Variants in KLHL15 observed in about 807,000 individuals in gnomAD.
The protein encoded by KLHL15 is kelch-like protein 15.
In KLHL15, 1 loss-of-function variant was observed where a neutral mutation model predicts 29.3. The ratio of observed to expected loss-of-function variants is 0.03; its 90% CI spans 0.01 to 0.16. KLHL15 has a LOEUF of 0.16. KLHL15 is among the 10% of genes least tolerant of loss of function. The probability of loss-of-function intolerance (pLI) is 1.00; values close to 1 mark genes in which losing one functional copy is unlikely to be tolerated. For missense variants in KLHL15, 215 were observed against 478.5 expected, an observed-to-expected ratio of 0.45 and a Z score of 5.14; for synonymous variants, 212 against 184.5, an observed-to-expected ratio of 1.15 and a Z score of -1.21.
intron 2 of KLHL15, among the ~76,000 whole-genome samples, chrX:24,022,723 T>A (rs1302381694): frequency 1.0e-5 from 1 of 98,446 alleles, no homozygotes; most frequent in Admixed American, 1.1e-4. Flanking sequence ...TGTTTCGCGG[T>A]TTTTTTTTTT....
chrX:24,013,696 CTAAT>C (rs1212912344), intron 2 of KLHL15, among the ~76,000 whole-genome samples: 4 of 110,705 alleles, frequency 3.6e-5, no homozygotes, highest in Non-Finnish European at 7.5e-5. Context: ...CAACATCACA[CTAAT>C]TATCAGTTTT....
intron 2 of KLHL15, among the ~76,000 whole-genome samples, chrX:24,018,964 C>CCGTA (rs72236821): frequency 1.8e-5 from 2 of 110,416 alleles, no homozygotes; most frequent in African/African-American, 6.6e-5. Context: ...GATTGCGCCA[C>CCGTA]CTCCAGCCAG....
intron 3 of KLHL15, among the ~76,000 whole-genome samples, chrX:24,002,123 A>G (rs1929338764): frequency 9.4e-6 from 1 of 106,701 alleles, no homozygotes; most frequent in Non-Finnish European, 1.9e-5. Context: ...ACAGAGCGAG[A>G]CTCTGTCTCA....
intron 3 of KLHL15, among the ~76,000 whole-genome samples, chrX:23,995,393 C>T (rs771821911): frequency 2.9e-3 from 227 of 77,590 alleles, no homozygotes; most frequent in Non-Finnish European, 4.5e-3. Context: ...GGCAACAGAG[C>T]GAGACTCTGT....
At chrX:24,011,176 AAAAAAAGAAAAAAG>A (rs1476286446) in intron 2 of KLHL15, among the ~76,000 whole-genome samples, 2 of 109,254 alleles carry the variant, frequency 1.8e-5, no homozygotes, top group South Asian at 7.6e-4. Flanking sequence ...TCAAAAAAAA[AAAAAAAGAAAAAAG>A]AAAAAAGAAA....
At position 23,988,328 on chromosome X, in the gene KLHL15, T is replaced by C; in HGVS notation, c.1408A>G (p.Asn470Asp). The C allele has an allele frequency of 8.3e-7, 1 of 1,211,544 alleles. No individual in the cohort carries two copies. Among genetic ancestry groups the C allele is most frequent in the South Asian group, 1.8e-5 (1 of 56,947 alleles). ...RTQVVTNCWE[N>D]KSKMNYARCF... ...CTCGCGTAATTCATCTTGCTCTTATTCTCCCAACAGTTGGTAACCACTTGA... is the reference window on the plus strand; with the variant it reads ...CTCGCGTAATTCATCTTGCTCTTATCCTCCCAACAGTTGGTAACCACTTGA... Residue 470 changes from asparagine (N) to aspartate (D), a missense_variant, in exon 4 of 4, where the codon AAT (asparagine) becomes GAT (aspartate). Transcript: ENST00000328046.
intron 1 of KLHL15, 101 bp from the exon 2 acceptor site, chrX:24,025,159 C>T (rs1288047603): frequency 7.0e-6 from 2 of 287,095 alleles, no homozygotes; most frequent in African/African-American, 5.6e-5. Flanking sequence ...ACGCCGGGGG[C>T]CTCGCAGCAC....
At position 24,007,508 on chromosome X, in the gene KLHL15, AATAT is replaced by A. The variant is rs759758947; in HGVS notation, c.-7-812_-7-809del. ...CCCATTTCCAAAAAAAAAAAAAAAA[AATAT>A]ATATATATATATATATATATATATC... is the stretch of plus-strand genomic sequence containing the variant. On this transcript the variant is annotated intron_variant, in intron 2 of 3. Transcript: ENST00000328046. Among the ~76,000 whole-genome samples the A allele has an allele frequency of 7.8e-3, 280 of 35,884 alleles. 3 individuals are homozygous for A. Among genetic ancestry groups the A allele is most frequent in the East Asian group, 0.063 (101 of 1,593 alleles). 31.2% of individuals were successfully genotyped at this position (35,884 alleles called of 115,157 possible). A position where few individuals can be genotyped will look rare whatever the true frequency, so the allele number is the denominator to read the frequency against.
In KLHL15 at chrX:24,005,983, ACT is replaced by A; in HGVS notation, c.705+4_705+5del. The A allele has an allele frequency of 8.4e-7, 1 of 1,194,276 alleles. No homozygotes were observed. Among genetic ancestry groups the A allele is most frequent in the East Asian group, 3.0e-5 (1 of 33,786 alleles). On this transcript the variant is annotated splice_donor_5th_base_variant and intron_variant, in intron 3 of 3. Transcript: ENST00000328046. ...AGTACTGTCTATTGCTTTCAAATGC[ACT>A]AACCTTCTCAAAAACGCTGGTTGGG...
In KLHL15 at chrX:24,015,985, G is replaced by T. The variant is rs1041721343; in HGVS notation, c.-8+8872C>A. ...CTGCACTCCAGCCTGGGCAACAAGA[G>T]TGAAACTCCATCTCAAATTAATTAA... is the stretch of plus-strand genomic sequence containing the variant. On this transcript the variant is annotated intron_variant, in intron 2 of 3. Coordinates refer to ENST00000328046, the MANE Select transcript of KLHL15 (RefSeq NM_030624.3). 3.8e-5 allele frequency among the ~76,000 whole-genome samples: 4 copies of T among 106,636 alleles called. No individual in the cohort carries two copies. The East Asian group carries it at 1.2e-3, about 32-fold the overall frequency. 92.6% of individuals were successfully genotyped at this position (106,636 alleles called of 115,157 possible).
At chrX:24,009,113 C>T (rs1341733779) in intron 2 of KLHL15, among the ~76,000 whole-genome samples, 3 of 111,368 alleles carry the variant, frequency 2.7e-5, no homozygotes, top group African/African-American at 6.5e-5. Context: ...AATCCCAGCA[C>T]TTTGGGAGGC....
Position 24,004,206 on chromosome X carries a change from AT to A in KLHL15, c.705+1782del, listed in dbSNP as rs772941150. Among the ~76,000 whole-genome samples, 5 of 110,949 alleles carry A rather than the reference AT, an allele frequency of 4.5e-5. No individual in the cohort carries two copies. The South Asian group carries it at 1.9e-3, about 42-fold the overall frequency. On this transcript the variant is annotated intron_variant, in intron 3 of 3. Coordinates refer to ENST00000328046, the MANE Select transcript of KLHL15 (RefSeq NM_030624.3). ...AATTAAGAATCTCCACACACAAAAAATTAGCCAGGCATGGTGGTGGGTAACT... is the reference window on the plus strand; with the variant it reads ...AATTAAGAATCTCCACACACAAAAAATAGCCAGGCATGGTGGTGGGTAACT...
rs1929891069 is a variant in KLHL15, at chrX:24,024,994, G to A, written c.-145C>T. 3.4e-6 allele frequency: 1 copy of A among 298,000 alleles called. No individual in the cohort carries two copies. The highest frequency in any genetic ancestry group is 6.0e-5 in the Admixed American group (1 of 16,639). The allele number at this position is 298,000 out of a possible 1,213,427, so 24.6% of individuals were successfully genotyped here. A position where few individuals can be genotyped will look rare whatever the true frequency, so the allele number is the denominator to read the frequency against. On this transcript the variant is annotated 5_prime_UTR_variant, in exon 2 of 4. Coordinates refer to ENST00000328046, the MANE Select transcript of KLHL15 (RefSeq NM_030624.3). ...CGGACGTCTACGAGCAGCCGCTCCC[G>A]GCACGAGCCGGGTCGCTCCGGCGGG...
intron 2 of KLHL15, among the ~76,000 whole-genome samples, chrX:24,008,704 T>A (rs1929504578): frequency 9.1e-6 from 1 of 109,845 alleles, no homozygotes; most frequent in Admixed American, 9.8e-5. Flanking sequence ...ACCTTTCCAC[T>A]GTGCCCTGTG....
chrX:23,989,769 A>G (rs990729352), intron 3 of KLHL15, among the ~76,000 whole-genome samples: 1 of 111,185 alleles, frequency 9.0e-6, no homozygotes, highest in Non-Finnish European at 1.9e-5. Context: ...AATTCAGTAG[A>G]TATCAGGTCA....
At chrX:24,024,074 G>A (rs761387671) in intron 2 of KLHL15, among the ~76,000 whole-genome samples, 5 of 112,088 alleles carry the variant, frequency 4.5e-5, no homozygotes, top group Admixed American at 3.8e-4. Context: ...TTTGGAGTAA[G>A]AAAAGGGGCC....
At chrX:24,011,743 C>T (rs1485583111) in intron 2 of KLHL15, among the ~76,000 whole-genome samples, 2 of 112,034 alleles carry the variant, frequency 1.8e-5, no homozygotes, top group African/African-American at 6.5e-5. Context: ...GTTGAGGCTG[C>T]AGTGAGCCAT....
At chrX:24,001,817 A>AAAAAAAAAAAAAAAAAAAAT (rs1929325452) in intron 3 of KLHL15, among the ~76,000 whole-genome samples, 1 of 101,961 alleles carries the variant, frequency 9.8e-6, no homozygotes, top group Admixed American at 1.1e-4. Flanking sequence ...AAAAAAAAAA[A>AAAAAAAAAAAAAAAAAAAAT]AAAAAAAAAA....
intron 3 of KLHL15, among the ~76,000 whole-genome samples, chrX:24,000,903 A>G (rs1929300714): frequency 8.9e-6 from 1 of 112,624 alleles, no homozygotes; most frequent in Non-Finnish European, 1.9e-5. Flanking sequence ...ATGAGATTAT[A>G]TTAAGGACAA....
Sources: gnomAD v4.1 joint callset for allele counts (sites outside exome capture counted in the v4.1 genomes callset) on GRCh38, gnomAD v4.1.1 for gene constraint, MANE v1.5 for transcripts, NCBI Gene and HGNC (gene_info 2026-07-23, HGNC 2026-07-21) for gene names.